LSAMP: variants seen among roughly 807,000 people sequenced by gnomAD.
LSAMP encodes limbic system associated membrane protein, also known as limbic system-associated membrane protein.
LSAMP carries 7 observed loss-of-function variants against 38.6 expected under a neutral mutation model. The ratio of observed to expected loss-of-function variants is 0.18; its 90% CI spans 0.10 to 0.34. LSAMP has a LOEUF of 0.34. Among genes scored for constraint, LSAMP ranks in the 10% least tolerant of loss-of-function variants. The pLI is 1.00. For missense variants in LSAMP, 313 were observed against 420.0 expected, an observed-to-expected ratio of 0.75 and a Z score of 2.23; for synonymous variants, 154 against 166.8, an observed-to-expected ratio of 0.92 and a Z score of 0.59.
At chr3:116,180,611 A>C (rs1710462804) in intron 1 of LSAMP, among the ~76,000 whole-genome samples, 1 of 152,144 alleles carries the variant, frequency 6.6e-6, no homozygotes, top group Non-Finnish European at 1.5e-5. Context: ...TAGAGGAATA[A>C]GAGAAAATGT....
At chr3:116,212,077 C>T (rs949836563) in intron 1 of LSAMP, among the ~76,000 whole-genome samples, 5 of 152,158 alleles carry the variant, frequency 3.3e-5, no homozygotes, top group Non-Finnish European at 5.9e-5. Context: ...TTACCCAATC[C>T]AGTGACACAG....
chr3:116,279,185 TGA>T lies in LSAMP; in HGVS notation c.155+165690_155+165691del, dbSNP rs1296891655. On this transcript the variant is annotated intron_variant, in intron 1 of 6. Coordinates refer to ENST00000490035, the MANE Select transcript of LSAMP (RefSeq NM_002338.5). The stretch of plus-strand genomic sequence containing the variant: ...GGAAAGAGAGGGACAGAGGGAGCCC[TGA>T]GAGAGTGAGAGAGCCTTCTGTCTTG... Among the ~76,000 whole-genome samples the T allele has an allele frequency of 3.9e-5, 6 of 152,266 alleles. No homozygotes were observed. In the Middle Eastern group the frequency reaches 0.01, roughly 259 times the overall value.
intron 3 of LSAMP, among the ~76,000 whole-genome samples, chr3:115,939,312 G>A (rs1200194565): frequency 6.6e-6 from 1 of 152,044 alleles, no homozygotes; most frequent in Non-Finnish European, 1.5e-5. Flanking sequence ...AACCAAGCAG[G>A]CATTGACCTC....
chr3:116,270,887 C>A (rs2046962757), intron 1 of LSAMP, among the ~76,000 whole-genome samples: 1 of 152,106 alleles, frequency 6.6e-6, no homozygotes, highest in Admixed American at 6.6e-5. Flanking sequence ...GCAGTTCAGG[C>A]TGTGTTAGTC....
chr3:115,991,762 C>T (rs1359402289), intron 3 of LSAMP, among the ~76,000 whole-genome samples: 1 of 151,976 alleles, frequency 6.6e-6, no homozygotes, highest in Non-Finnish European at 1.5e-5. Context: ...AGGGAAACTG[C>T]CGTTTAAAGA....
intron 3 of LSAMP, among the ~76,000 whole-genome samples, chr3:115,998,597 C>G (rs1409941232): frequency 6.6e-6 from 1 of 152,154 alleles, no homozygotes; most frequent in East Asian, 1.9e-4. Flanking sequence ...GATGTACCAT[C>G]TCAGGCCCCA....
intron 1 of LSAMP, among the ~76,000 whole-genome samples, chr3:116,267,178 C>T (rs561072405): frequency 6.6e-6 from 1 of 152,052 alleles, no homozygotes; most frequent in South Asian, 2.1e-4. Context: ...AAGTTGGCGC[C>T]ACTTGCATCC....
chr3:115,840,668 A>G (rs1444305318), intron 6 of LSAMP, among the ~76,000 whole-genome samples: 1 of 152,248 alleles, frequency 6.6e-6, no homozygotes, highest in Non-Finnish European at 1.5e-5. Flanking sequence ...GATCTTAAAG[A>G]GTTTTAAAAT....
At chr3:115,848,118 A>T (rs941987169) in intron 4 of LSAMP, among the ~76,000 whole-genome samples, 7 of 152,224 alleles carry the variant, frequency 4.6e-5, no homozygotes, top group Non-Finnish European at 8.8e-5. Context: ...ATGGAGACTG[A>T]ATAGGTGTAA....
intron 1 of LSAMP, among the ~76,000 whole-genome samples, chr3:116,207,754 G>T (rs1029846564): frequency 7.2e-5 from 11 of 152,060 alleles, no homozygotes; most frequent in Non-Finnish European, 8.8e-5. Flanking sequence ...CTGGCTTGTA[G>T]GGTTTCTGCC....
intron 3 of LSAMP, among the ~76,000 whole-genome samples, chr3:115,883,980 G>A (rs1305173801): frequency 6.6e-6 from 1 of 152,014 alleles, no homozygotes; most frequent in African/African-American, 2.4e-5. Flanking sequence ...AACAATTACT[G>A]TGTATGATTA....
chr3:115,880,694 A>G (rs1160698602), intron 3 of LSAMP, among the ~76,000 whole-genome samples: 1 of 152,132 alleles, frequency 6.6e-6, no homozygotes, highest in Non-Finnish European at 1.5e-5. Context: ...TTAAAAGATC[A>G]TGGTTACTTT....
intron 1 of LSAMP, among the ~76,000 whole-genome samples, chr3:116,224,613 G>T (rs769830436): frequency 6.6e-6 from 1 of 152,146 alleles, no homozygotes; most frequent in Non-Finnish European, 1.5e-5. Flanking sequence ...TATCGTTTTG[G>T]TCTATAAAGT....
chr3:116,089,054 T>C (rs1429437890), intron 1 of LSAMP, among the ~76,000 whole-genome samples: 1 of 152,236 alleles, frequency 6.6e-6, no homozygotes, highest in Non-Finnish European at 1.5e-5. Flanking sequence ...CGGGTCTTTA[T>C]GGTCCTTTGA....
intron 1 of LSAMP, among the ~76,000 whole-genome samples, chr3:116,090,515 A>T (rs1430470442): frequency 6.6e-6 from 1 of 152,236 alleles, no homozygotes; most frequent in Non-Finnish European, 1.5e-5. Flanking sequence ...TATGATAATA[A>T]TGAATTATCA....
intron 1 of LSAMP, among the ~76,000 whole-genome samples, chr3:116,195,419 T>C (rs1361252197): frequency 6.6e-6 from 1 of 152,194 alleles, no homozygotes. Context: ...AAATAAATTT[T>C]CTCATATCAG....
intron 3 of LSAMP, among the ~76,000 whole-genome samples, chr3:115,887,609 A>T (rs1936488850): frequency 6.6e-6 from 1 of 151,958 alleles, no homozygotes; most frequent in African/African-American, 2.4e-5. Flanking sequence ...TTGTTGGGGT[A>T]CAGAGATAAG....
At chr3:116,044,631 A>AG (rs1941249966) in intron 2 of LSAMP, among the ~76,000 whole-genome samples, 1 of 152,098 alleles carries the variant, frequency 6.6e-6, no homozygotes, top group South Asian at 2.1e-4. Context: ...CTAAAAAAAA[A>AG]AAAAAACTAA....
chr3:116,373,271 TA>T (rs2048454685), intron 1 of LSAMP, among the ~76,000 whole-genome samples: 5 of 151,314 alleles, frequency 3.3e-5, no homozygotes, highest in Admixed American at 2.6e-4. Context: ...GATTCAAACT[TA>T]AAAACAATAT....
Sources: gnomAD v4.1 joint callset for allele counts (sites outside exome capture counted in the v4.1 genomes callset) on GRCh38, gnomAD v4.1.1 for gene constraint, MANE v1.5 for transcripts, NCBI Gene and HGNC (gene_info 2026-07-23, HGNC 2026-07-21) for gene names.